NAV3: variants seen among roughly 807,000 people sequenced by gnomAD.
The protein encoded by NAV3 is neuron navigator 3, also known as pore membrane and/or filament interacting like protein 1.
In NAV3, 87 loss-of-function variants were observed where a neutral mutation model predicts 244.7. The ratio of observed to expected loss-of-function variants is 0.36; its 90% CI spans 0.30 to 0.42. The LOEUF is 0.42. NAV3 is among the 20% of genes least tolerant of loss of function. The pLI is 1.00. For missense variants in NAV3, 2,663 were observed against 2,893.3 expected, an observed-to-expected ratio of 0.92 and a Z score of 1.83; for synonymous variants, 1,126 against 1,042.2, an observed-to-expected ratio of 1.08 and a Z score of -1.55.
chr12:78,172,976 C>T (rs1958066800), intron 24 of NAV3, among the ~76,000 whole-genome samples: 1 of 151,550 alleles, frequency 6.6e-6, no homozygotes, highest in African/African-American at 2.4e-5. Flanking sequence ...AATAGCTATA[C>T]TTGCTGTAAA....
chr12:78,203,904 G>T (rs574438822), intron 38 of NAV3, among the ~76,000 whole-genome samples: 1 of 149,270 alleles, frequency 6.7e-6, no homozygotes, highest in African/African-American at 2.5e-5. Flanking sequence ...TTTGGGTTCA[G>T]CTTTGCTTGC....
At chr12:77,580,933 A>G (rs1328674478) in intron 2 of NAV3, among the ~76,000 whole-genome samples, 1 of 152,202 alleles carries the variant, frequency 6.6e-6, no homozygotes, top group East Asian at 1.9e-4. Flanking sequence ...GTAAGATGTA[A>G]TACTTGTTTT....
At chr12:77,808,221 G>A (rs1225655648) in intron 2 of NAV3, among the ~76,000 whole-genome samples, 1 of 152,090 alleles carries the variant, frequency 6.6e-6, no homozygotes, top group African/African-American at 2.4e-5. Context: ...TCCCTTGCTG[G>A]TGAGGAGTTG....
At chr12:78,200,407 G>T in intron 37 of NAV3, 66 bp from the exon 38 acceptor site, 2 of 920,168 alleles carry the variant, frequency 2.2e-6, no homozygotes, top group Non-Finnish European at 3.2e-6. Flanking sequence ...CCAAAATGGT[G>T]TCTAGATATG....
At chr12:77,853,617 A>G (rs138461063) in intron 1 of NAV3, among the ~76,000 whole-genome samples, 1 of 152,194 alleles carries the variant, frequency 6.6e-6, no homozygotes, top group African/African-American at 2.4e-5. Context: ...CAACATTTCA[A>G]CATACACAAT....
rs766072785 is a variant in NAV3 at position 78,210,567 on chromosome 12, A to T, written c.*50A>T. 6.3e-7 allele frequency: 1 copy of T among 1,599,234 alleles called. No homozygotes were observed. The highest frequency in any genetic ancestry group is 8.5e-7 in the Non-Finnish European group (1 of 1,173,422). On this transcript the variant is annotated 3_prime_UTR_variant, in exon 40 of 40. Coordinates refer to ENST00000397909, the MANE Select transcript of NAV3 (RefSeq NM_001024383.2). Reference sequence around the variant, plus strand: ...GACTTTGCTTTTAAAAAAATGTTTCAAAAGAAAGGTATTTTCACTAAACCA... The same window carrying T: ...GACTTTGCTTTTAAAAAAATGTTTCTAAAGAAAGGTATTTTCACTAAACCA...
At chr12:77,898,713 C>T (rs1009376647) in intron 1 of NAV3, among the ~76,000 whole-genome samples, 1 of 152,106 alleles carries the variant, frequency 6.6e-6, no homozygotes, top group African/African-American at 2.4e-5. Flanking sequence ...AAAACGTGGA[C>T]AAATATAGAT....
At chr12:77,943,662 G>T (rs947489131) in intron 3 of NAV3, among the ~76,000 whole-genome samples, 1 of 152,146 alleles carries the variant, frequency 6.6e-6, no homozygotes, top group African/African-American at 2.4e-5. Context: ...ACAGGATGTT[G>T]CCTGTTCCTT....
intron 2 of NAV3, among the ~76,000 whole-genome samples, chr12:77,760,035 A>C (rs376139838): frequency 6.6e-6 from 1 of 152,294 alleles, no homozygotes; most frequent in South Asian, 2.1e-4. Flanking sequence ...GAATCTTCTC[A>C]ATGGTGATTT....
At chr12:77,649,746 T>C (rs1872745453) in intron 2 of NAV3, among the ~76,000 whole-genome samples, 1 of 152,200 alleles carries the variant, frequency 6.6e-6, no homozygotes. Context: ...TCACTTCCTT[T>C]CTGCTATATT....
At chr12:77,873,742 G>GTGTGTGTGTGTGTA (rs1565878665) in intron 1 of NAV3, among the ~76,000 whole-genome samples, 1 of 57,986 alleles carries the variant, frequency 1.7e-5, no homozygotes, top group Admixed American at 1.6e-4. Flanking sequence ...ATATGTGTGT[G>GTGTGTGTGTGTGTA]TGTATATATA....
Position 77,877,880 on chromosome 12 carries a change from A to G in NAV3, c.243+46176A>G, listed in dbSNP as rs144796128. On this transcript the variant is annotated intron_variant, in intron 1 of 39. Coordinates refer to ENST00000397909, the MANE Select transcript of NAV3 (RefSeq NM_001024383.2). ...CTGTGCCAGCCAGGTAAACAAGATCAATATCATCATTTGGATAGTATTTAC... is the reference window on the plus strand; with the variant it reads ...CTGTGCCAGCCAGGTAAACAAGATCGATATCATCATTTGGATAGTATTTAC... Among the ~76,000 whole-genome samples, 482 of 152,296 alleles carry G rather than the reference A, an allele frequency of 3.2e-3. 3 individuals carry two copies. The highest frequency in any genetic ancestry group is 0.011 in the African/African-American group (441 of 41,574).
chr12:77,739,011 CAAAAAAAAAAA>C (rs1168641355), intron 2 of NAV3, among the ~76,000 whole-genome samples: 20 of 64,086 alleles, frequency 3.1e-4, no homozygotes, highest in Middle Eastern at 0.017. Flanking sequence ...GACTCCGTCT[CAAAAAAAAAAA>C]AAAAAAAAAA....
chr12:77,675,342 A>G (rs1874159304), intron 2 of NAV3, among the ~76,000 whole-genome samples: 1 of 152,160 alleles, frequency 6.6e-6, no homozygotes, highest in Non-Finnish European at 1.5e-5. Context: ...GTACATTTTC[A>G]AGGATAGGCT....
intron 1 of NAV3, among the ~76,000 whole-genome samples, chr12:77,908,555 G>A (rs188864261): frequency 1.0e-3 from 159 of 152,104 alleles, no homozygotes; most frequent in African/African-American, 3.7e-3. Flanking sequence ...AGCTTCCAGT[G>A]TCTAGTTTTT....
At chr12:77,751,321 A>G (rs529432020) in intron 2 of NAV3, among the ~76,000 whole-genome samples, 1 of 152,186 alleles carries the variant, frequency 6.6e-6, no homozygotes, top group Admixed American at 6.5e-5. Context: ...TCCAGTATCT[A>G]CCCCTGCCTA....
At chr12:77,881,652 C>T (rs1031743339) in intron 1 of NAV3, among the ~76,000 whole-genome samples, 3 of 152,024 alleles carry the variant, frequency 2.0e-5, no homozygotes, top group Non-Finnish European at 2.9e-5. Context: ...TCTTCCCTGA[C>T]GATAAGATTT....
intron 2 of NAV3, among the ~76,000 whole-genome samples, chr12:77,638,430 A>G (rs1037844313): frequency 5.3e-5 from 8 of 152,166 alleles, no homozygotes; most frequent in East Asian, 1.9e-4. Context: ...TACCTGTTCT[A>G]TTCTTTACAT....
intron 19 of NAV3, among the ~76,000 whole-genome samples, chr12:78,138,572 C>T (rs1012785514): frequency 2.0e-5 from 3 of 152,082 alleles, no homozygotes; most frequent in Admixed American, 6.6e-5. Context: ...CCAATGACTC[C>T]ACTGATTTTT....
Sources: allele counts gnomAD v4.1 joint callset (sites outside exome capture counted in the v4.1 genomes callset), GRCh38; gene constraint gnomAD v4.1.1; transcripts MANE v1.5; gene names NCBI Gene and HGNC (gene_info 2026-07-23, HGNC 2026-07-21).